The following RBMS3 variants were observed in gnomAD, a reference collection of about 807,000 sequenced individuals.
RBMS3 encodes RNA binding motif single stranded interacting protein 3.
RBMS3 carries 27 observed loss-of-function variants against 66.8 expected under a neutral mutation model. That is an observed-to-expected ratio of 0.40 (90% CI 0.30 to 0.56). The LOEUF (loss-of-function observed/expected upper bound fraction) is 0.56, where lower values mean the gene tolerates loss of function less well. Among genes scored for constraint, RBMS3 ranks in the 20% least tolerant of loss-of-function variants. RBMS3 has a pLI of 0.40. For synonymous variants in RBMS3, 188 were observed against 183.0 expected (o/e 1.03, Z -0.22); for missense variants, 513 against 549.5 (o/e 0.93, Z 0.66).
intron 10 of RBMS3, among the ~76,000 whole-genome samples, chr3:29,904,149 G>A (rs757491945): frequency 4.0e-5 from 6 of 151,730 alleles, no homozygotes; most frequent in East Asian, 1.9e-4. Flanking sequence ...AAAATTTTAC[G>A]GTAATTTTTC....
chr3:29,793,907 C>T (rs1576822297), intron 6 of RBMS3, among the ~76,000 whole-genome samples: 1 of 152,272 alleles, frequency 6.6e-6, no homozygotes, highest in East Asian at 1.9e-4. Context: ...TCTCATGAAT[C>T]GCTTGGTGCT....
At chr3:29,349,688 G>A (rs1387981223) in intron 1 of RBMS3, among the ~76,000 whole-genome samples, 1 of 152,160 alleles carries the variant, frequency 6.6e-6, no homozygotes, top group East Asian at 1.9e-4. Context: ...TTTGCAAATG[G>A]TATTGTATCG....
At chr3:29,966,265 C>A (rs1391169986) in intron 12 of RBMS3, among the ~76,000 whole-genome samples, 1 of 152,056 alleles carries the variant, frequency 6.6e-6, no homozygotes, top group Non-Finnish European at 1.5e-5. Context: ...TGGTGGTATT[C>A]TGATGGGGAT....
chr3:29,688,495 G>A (rs1206195947), intron 4 of RBMS3, among the ~76,000 whole-genome samples: 8 of 148,592 alleles, frequency 5.4e-5, no homozygotes, highest in East Asian at 2.0e-4. Context: ...TTAACCTCTG[G>A]TTTAGTATAT....
At chr3:29,374,642 C>A (rs1209755138) in intron 1 of RBMS3, among the ~76,000 whole-genome samples, 2 of 152,154 alleles carry the variant, frequency 1.3e-5, no homozygotes, top group Non-Finnish European at 2.9e-5. Context: ...TTAGGCTAGG[C>A]TAAGCTATGA....
intron 3 of RBMS3, among the ~76,000 whole-genome samples, chr3:29,527,609 G>C (rs1046405554): frequency 1.3e-5 from 2 of 152,076 alleles, no homozygotes; most frequent in South Asian, 2.1e-4. Flanking sequence ...CTTAACTGTT[G>C]GTTTATATTT....
At chr3:29,382,893 G>A (rs937481861) in intron 1 of RBMS3, among the ~76,000 whole-genome samples, 3 of 152,112 alleles carry the variant, frequency 2.0e-5, no homozygotes, top group Non-Finnish European at 4.4e-5. Context: ...CATCTGGGTT[G>A]ATTAATGAAC....
At chr3:29,689,455 T>C (rs929803362) in intron 4 of RBMS3, among the ~76,000 whole-genome samples, 51 of 152,160 alleles carry the variant, frequency 3.4e-4, no homozygotes, top group Admixed American at 2.9e-3. Flanking sequence ...TATTTAAAAT[T>C]GGGCTGACAA....
intron 3 of RBMS3, among the ~76,000 whole-genome samples, chr3:29,570,139 C>T (rs569420766): frequency 6.6e-6 from 1 of 151,912 alleles, no homozygotes; most frequent in African/African-American, 2.4e-5. Flanking sequence ...AATTACATAA[C>T]TTATAAAATT....
chr3:29,802,016 T>C (rs2057405588), intron 6 of RBMS3, among the ~76,000 whole-genome samples: 1 of 152,220 alleles, frequency 6.6e-6, no homozygotes, highest in Non-Finnish European at 1.5e-5. Flanking sequence ...TTTTTCTTCC[T>C]TTGAAACTCC....
intron 14 of RBMS3, among the ~76,000 whole-genome samples, chr3:29,999,765 G>A (rs1046812594): frequency 9.2e-5 from 14 of 152,018 alleles, no homozygotes; most frequent in Non-Finnish European, 1.6e-4. Flanking sequence ...TTGTGGGGTG[G>A]GGGGAGTGGG....
chr3:30,002,374 G>A (rs541629814), intron 14 of RBMS3, among the ~76,000 whole-genome samples: 1 of 151,476 alleles, frequency 6.6e-6, no homozygotes, highest in African/African-American at 2.4e-5. Context: ...TGAGAACAAA[G>A]AACAGACTCT....
intron 6 of RBMS3, among the ~76,000 whole-genome samples, chr3:29,805,835 A>G (rs2149449884): frequency 6.6e-6 from 1 of 152,162 alleles, no homozygotes. Context: ...AGAGAAAAAT[A>G]TGTTTTATAA....
chr3:29,708,047 C>T (rs1440520), intron 4 of RBMS3, among the ~76,000 whole-genome samples: 12,030 of 152,214 alleles, frequency 0.079, 1,599 homozygotes, highest in African/African-American at 0.27. Flanking sequence ...TTGCACCTTC[C>T]GTTTAGAGAG....
At chr3:29,695,407 C>T (rs188245530) in intron 4 of RBMS3, among the ~76,000 whole-genome samples, 6 of 152,064 alleles carry the variant, frequency 3.9e-5, no homozygotes, top group East Asian at 3.9e-4. Flanking sequence ...AAGCTCACTG[C>T]GAACTTCTTA....
At chr3:29,655,576 AAAT>A (rs1234203187) in intron 4 of RBMS3, among the ~76,000 whole-genome samples, 1 of 152,242 alleles carries the variant, frequency 6.6e-6, no homozygotes, top group African/African-American at 2.4e-5. Flanking sequence ...TGGTATAAAC[AAAT>A]CTATTGTGCT....
chr3:29,963,241 C>A (rs936670927), intron 12 of RBMS3, among the ~76,000 whole-genome samples: 2 of 152,062 alleles, frequency 1.3e-5, no homozygotes, highest in African/African-American at 4.8e-5. Context: ...ATTTTGTAGC[C>A]TAGTAAAATC....
intron 1 of RBMS3, among the ~76,000 whole-genome samples, chr3:29,379,819 A>T (rs888287753): frequency 2.0e-5 from 3 of 152,216 alleles, no homozygotes; most frequent in African/African-American, 7.2e-5. Flanking sequence ...GCCTTGATCC[A>T]CATTGAAGTA....
chr3:29,459,746 A>C (rs907784096), intron 2 of RBMS3, among the ~76,000 whole-genome samples: 1 of 152,238 alleles, frequency 6.6e-6, no homozygotes, highest in East Asian at 1.9e-4. Flanking sequence ...TTTCGAACTT[A>C]AAACAATTTT....
Sources: gnomAD v4.1 joint callset for allele counts (sites outside exome capture counted in the v4.1 genomes callset) on GRCh38, gnomAD v4.1.1 for gene constraint, MANE v1.5 for transcripts, NCBI Gene and HGNC (gene_info 2026-07-23, HGNC 2026-07-21) for gene names.